GPC5: variants seen among roughly 807,000 people sequenced by gnomAD.
GPC5 encodes the protein glypican 5.
Under a neutral mutation model 53.9 loss-of-function variants are expected in GPC5, and 47 were observed. The ratio of observed to expected loss-of-function variants is 0.87; its 90% confidence interval spans 0.69 to 1.11. GPC5 has a LOEUF of 1.11. GPC5 is among the 50% of genes most tolerant of loss of function. The pLI, the probability that GPC5 is intolerant of heterozygous loss-of-function variation, is 0.00. For synonymous variants in GPC5, 286 were observed against 263.3 expected, an observed-to-expected ratio of 1.09 and a Z score of -0.84; for missense variants, 748 against 713.1, an observed-to-expected ratio of 1.05 and a Z score of -0.56.
chr13:92,789,395 T>C (rs1296451680), intron 7 of GPC5, among the ~76,000 whole-genome samples: 1 of 152,144 alleles, frequency 6.6e-6, no homozygotes, highest in Non-Finnish European at 1.5e-5. Context: ...AATGTAAAAA[T>C]AAATTTTTGA....
chr13:91,715,794 C>G (rs546081), intron 3 of GPC5, among the ~76,000 whole-genome samples: 5,822 of 149,568 alleles, frequency 0.039, 156 homozygotes, highest in Middle Eastern at 0.12. Flanking sequence ...CTCTCTCTCT[C>G]TCTCTCTGTG....
At chr13:91,451,658 C>A (rs1221226524) in intron 2 of GPC5, among the ~76,000 whole-genome samples, 3 of 151,774 alleles carry the variant, frequency 2.0e-5, no homozygotes, top group Non-Finnish European at 2.9e-5. Context: ...TGTTCTGTCA[C>A]CCAGGCTAGA....
At chr13:91,946,107 T>A (rs528133041) in intron 6 of GPC5, among the ~76,000 whole-genome samples, 1 of 152,216 alleles carries the variant, frequency 6.6e-6, no homozygotes, top group South Asian at 2.1e-4. Context: ...CTACCTTCTG[T>A]TTTTTATGCT....
At chr13:92,216,108 C>T (rs1369096889) in intron 7 of GPC5, among the ~76,000 whole-genome samples, 4 of 152,158 alleles carry the variant, frequency 2.6e-5, no homozygotes, top group South Asian at 2.1e-4. Context: ...GAGATACAGA[C>T]GGGCAGTTCT....
At chr13:92,199,872 C>G (rs1316374120) in intron 7 of GPC5, among the ~76,000 whole-genome samples, 1 of 152,014 alleles carries the variant, frequency 6.6e-6, no homozygotes, top group Non-Finnish European at 1.5e-5. Context: ...TATATAACAT[C>G]GTGTCTCAGG....
At chr13:92,349,069 G>T (rs76243641) in intron 7 of GPC5, among the ~76,000 whole-genome samples, 19 of 152,166 alleles carry the variant, frequency 1.2e-4, no homozygotes, top group African/African-American at 4.6e-4. Flanking sequence ...TGGAGTAGAA[G>T]TTAATGAAAT....
At chr13:92,503,192 A>G (rs964429416) in intron 7 of GPC5, among the ~76,000 whole-genome samples, 1 of 151,926 alleles carries the variant, frequency 6.6e-6, no homozygotes, top group Non-Finnish European at 1.5e-5. Flanking sequence ...CAAATAATGT[A>G]CATTGTACCA....
intron 7 of GPC5, among the ~76,000 whole-genome samples, chr13:92,175,950 T>G (rs918569313): frequency 6.6e-6 from 1 of 152,210 alleles, no homozygotes; most frequent in African/African-American, 2.4e-5. Context: ...TTTTTAGGTT[T>G]CAGATTCAAT....
At chr13:92,437,079 G>A (rs974848311) in intron 7 of GPC5, among the ~76,000 whole-genome samples, 3 of 152,240 alleles carry the variant, frequency 2.0e-5, no homozygotes, top group East Asian at 1.9e-4. Context: ...AACAGCAGGT[G>A]GTTTGAATAC....
At chr13:92,707,753 T>C (rs193199002) in intron 7 of GPC5, among the ~76,000 whole-genome samples, 1 of 151,572 alleles carries the variant, frequency 6.6e-6, no homozygotes, top group Admixed American at 6.6e-5. Flanking sequence ...AAATATACAG[T>C]ATATCTGCTT....
At chr13:92,373,724 C>T (rs537749562) in intron 7 of GPC5, among the ~76,000 whole-genome samples, 1 of 152,168 alleles carries the variant, frequency 6.6e-6, no homozygotes, top group Non-Finnish European at 1.5e-5. Flanking sequence ...AAATTGTATA[C>T]ATCACAACAT....
At chr13:92,388,745 G>A (rs1343842770) in intron 7 of GPC5, among the ~76,000 whole-genome samples, 2 of 152,092 alleles carry the variant, frequency 1.3e-5, no homozygotes, top group African/African-American at 4.8e-5. Flanking sequence ...GTAATATCTT[G>A]ACTGAGCATT....
At chr13:92,415,166 T>C (rs1435484900) in intron 7 of GPC5, among the ~76,000 whole-genome samples, 1 of 152,186 alleles carries the variant, frequency 6.6e-6, no homozygotes, top group African/African-American at 2.4e-5. Context: ...AACTATGCTC[T>C]TTGACAACAT....
intron 7 of GPC5, among the ~76,000 whole-genome samples, chr13:92,335,490 C>T (rs1378583608): frequency 6.6e-6 from 1 of 152,140 alleles, no homozygotes; most frequent in Non-Finnish European, 1.5e-5. Context: ...TTCTCCATTG[C>T]TTTAGTGATT....
In GPC5 at chr13:92,726,404, T is replaced by C. The variant is rs1316714298; in HGVS notation, c.1562-139878T>C. ...TTGTGTTTGTTTATTGTTTGTTTGT[T>C]TGTCTTGAGACAGGATCTAACTCTA... On this transcript the variant is annotated intron_variant, in intron 7 of 7. Transcript: ENST00000377067. 2.6e-5 allele frequency among the ~76,000 whole-genome samples: 4 copies of C among 151,596 alleles called. No individual in the cohort carries two copies. In the Admixed American group the frequency reaches 2.6e-4, roughly 10 times the overall value.
intron 5 of GPC5, among the ~76,000 whole-genome samples, chr13:91,875,586 G>C (rs1279334230): frequency 1.3e-5 from 2 of 151,776 alleles, no homozygotes; most frequent in African/African-American, 4.8e-5. Flanking sequence ...ATTTCTGTTT[G>C]TTCTCCATTT....
intron 2 of GPC5, among the ~76,000 whole-genome samples, chr13:91,648,103 A>T (rs2034604975): frequency 6.6e-6 from 1 of 152,206 alleles, no homozygotes; most frequent in African/African-American, 2.4e-5. Context: ...TCTTAATAAG[A>T]TTATATACTA....
chr13:92,764,396 G>A (rs979543707), intron 7 of GPC5, among the ~76,000 whole-genome samples: 2 of 152,212 alleles, frequency 1.3e-5, no homozygotes, highest in Non-Finnish European at 2.9e-5. Context: ...GTAGCTGTAT[G>A]GCTCATGGGG....
At chr13:92,470,960 G>T (rs966332173) in intron 7 of GPC5, among the ~76,000 whole-genome samples, 1 of 152,096 alleles carries the variant, frequency 6.6e-6, no homozygotes, top group African/African-American at 2.4e-5. Context: ...AGGGAGACAG[G>T]TTTGGGAATG....
Sources: gnomAD v4.1 joint callset for allele counts (sites outside exome capture counted in the v4.1 genomes callset) on GRCh38, gnomAD v4.1.1 for gene constraint, MANE v1.5 for transcripts, NCBI Gene and HGNC (gene_info 2026-07-23, HGNC 2026-07-21) for gene names.